The following FAR2 variants were observed in gnomAD, a reference collection of about 807,000 sequenced individuals.
FAR2 encodes the protein epididymis secretory protein Li 81.
A neutral mutation model predicts 56.0 loss-of-function variants in FAR2; 19 were observed. That is an observed-to-expected ratio of 0.34 (90% CI 0.24 to 0.50). The LOEUF (loss-of-function observed/expected upper bound fraction) is 0.50, where lower values mean the gene tolerates loss of function less well. FAR2 is among the 20% of genes least tolerant of loss of function. The pLI is 0.98. For missense variants in FAR2, 508 were observed against 642.2 expected, an observed-to-expected ratio of 0.79 and a Z score of 2.26; for synonymous variants, 219 against 218.8, an observed-to-expected ratio of 1.00 and a Z score of -0.01.
intron 1 of FAR2, among the ~76,000 whole-genome samples, chr12:29,232,896 A>G (rs1565481350): frequency 6.7e-6 from 1 of 148,746 alleles, no homozygotes; most frequent in African/African-American, 2.5e-5. Context: ...TGGCCACACT[A>G]TGGACCTTGT....
chr12:29,275,005 C>T (rs186867440), intron 2 of FAR2, among the ~76,000 whole-genome samples: 105 of 150,962 alleles, frequency 7.0e-4, no homozygotes, highest in Admixed American at 4.2e-3. Context: ...AGATCAATCC[C>T]GTCCTCCTGC....
At chr12:29,193,013 A>G (rs185689821) in intron 1 of FAR2, among the ~76,000 whole-genome samples, 5 of 152,328 alleles carry the variant, frequency 3.3e-5, no homozygotes, top group African/African-American at 1.2e-4. Flanking sequence ...ATTTTTAGCT[A>G]GCAACTTTTC....
chr12:29,195,776 A>G (rs1021574), intron 1 of FAR2, among the ~76,000 whole-genome samples: 148,977 of 152,230 alleles, frequency 0.98, 72,989 homozygotes, highest in Middle Eastern at 1. Context: ...ATTGCATAGC[A>G]GTGAGGTCTG....
chr12:29,211,632 A>G (rs947188646), intron 1 of FAR2, among the ~76,000 whole-genome samples: 3 of 152,100 alleles, frequency 2.0e-5, no homozygotes, highest in African/African-American at 4.8e-5. Flanking sequence ...CTGAGCTGCA[A>G]TGGTGACTTA....
In FAR2 at chr12:29,169,907, G is replaced by A. The variant is rs572119176; in HGVS notation, c.-39+20500G>A. 8.4e-4 allele frequency among the ~76,000 whole-genome samples: 128 copies of A among 152,302 alleles called. 1 individual carries two copies. The highest frequency in any genetic ancestry group is 2.9e-3 in the African/African-American group (119 of 41,570). ...TATGGCCCTGCACTCTTGGACTTGA[G>A]CTTTGAGGGGCACAGATAGGGTATG... On this transcript the variant is annotated intron_variant, in intron 1 of 11. Coordinates refer to ENST00000536681, the MANE Select transcript of FAR2 (RefSeq NM_001271783.2).
At chr12:29,222,995 G>C (rs1947712879) in intron 1 of FAR2, among the ~76,000 whole-genome samples, 1 of 152,096 alleles carries the variant, frequency 6.6e-6, no homozygotes, top group Non-Finnish European at 1.5e-5. Flanking sequence ...AAACTCAGAG[G>C]GTAATGAAAA....
At chr12:29,223,092 G>T (rs1947715958) in intron 1 of FAR2, among the ~76,000 whole-genome samples, 1 of 152,166 alleles carries the variant, frequency 6.6e-6, no homozygotes, top group Admixed American at 6.5e-5. Flanking sequence ...CCTCCCAACA[G>T]TCTATTGGGA....
At chr12:29,305,986 T>G (rs961876565) in intron 4 of FAR2, among the ~76,000 whole-genome samples, 17 of 148,602 alleles carry the variant, frequency 1.1e-4, no homozygotes, top group African/African-American at 4.2e-4. Flanking sequence ...TTTCCTAGGT[T>G]TTTTTTTTTT....
Position 29,324,657 on chromosome 12 carries a change from T to C in FAR2, c.1257+2733T>C, listed in dbSNP as rs1456565258. Among the ~76,000 whole-genome samples, 3 of 152,164 alleles carry C rather than the reference T, an allele frequency of 2.0e-5. No homozygotes were observed. In the East Asian group the frequency reaches 5.8e-4, roughly 30 times the overall value. ...TCATATCCAGCCAAACTAAGCTTCATAAGTGAAGGAGAAATAAAATACTTT... is the reference window on the plus strand; with the variant it reads ...TCATATCCAGCCAAACTAAGCTTCACAAGTGAAGGAGAAATAAAATACTTT... On this transcript the variant is annotated intron_variant, in intron 10 of 11. Transcript: ENST00000536681.
chr12:29,275,458 G>A (rs1019811360), intron 2 of FAR2, among the ~76,000 whole-genome samples: 52 of 152,150 alleles, frequency 3.4e-4, no homozygotes, highest in African/African-American at 1.1e-3. Flanking sequence ...TGGGGTCAGA[G>A]GCCTGACAGG....
chr12:29,309,043 T>C, intron 5 of FAR2, 143 bp from the exon 6 acceptor site: 2 of 677,388 alleles, frequency 3.0e-6, no homozygotes, highest in Non-Finnish European at 5.2e-6. Flanking sequence ...TCTTTTGAGA[T>C]CTTAATAATA....
At chr12:29,225,575 T>C (rs1947753134) in intron 1 of FAR2, among the ~76,000 whole-genome samples, 1 of 152,198 alleles carries the variant, frequency 6.6e-6, no homozygotes, top group Non-Finnish European at 1.5e-5. Context: ...TGCTCTGGAA[T>C]AAGCTCTGTA....
chr12:29,212,592 T>C (rs1470815696), intron 1 of FAR2, among the ~76,000 whole-genome samples: 1 of 152,234 alleles, frequency 6.6e-6, no homozygotes, highest in Non-Finnish European at 1.5e-5. Context: ...CTTTGAATTC[T>C]TGCCAGGTCC....
chr12:29,292,893 A>G (rs1375589780), intron 2 of FAR2, among the ~76,000 whole-genome samples: 1 of 152,216 alleles, frequency 6.6e-6, no homozygotes, highest in Non-Finnish European at 1.5e-5. Flanking sequence ...TGTCCTGGGC[A>G]CATTCTCAAC....
intron 6 of FAR2, 124 bp from the exon 7 acceptor site, chr12:29,310,904 G>A: frequency 1.4e-6 from 1 of 726,026 alleles, no homozygotes; most frequent in Non-Finnish European, 2.4e-6. Context: ...AACCTGGTAA[G>A]CAGTGGATCA....
chr12:29,156,607 A>G (rs1186792526), intron 1 of FAR2: 8 of 152,216 alleles, frequency 5.3e-5, no homozygotes, highest in Non-Finnish European at 8.8e-5. Context: ...TCCTATGAGT[A>G]GTCGCCTCTG....
intron 5 of FAR2, among the ~76,000 whole-genome samples, chr12:29,308,243 C>T (rs959010150): frequency 1.3e-5 from 2 of 152,134 alleles, no homozygotes; most frequent in Non-Finnish European, 2.9e-5. Flanking sequence ...TTTAGGAATA[C>T]TAATTTTTTT....
At chr12:29,164,472 T>C (rs767031319) in intron 1 of FAR2, among the ~76,000 whole-genome samples, 2 of 152,172 alleles carry the variant, frequency 1.3e-5, no homozygotes, top group Non-Finnish European at 2.9e-5. Flanking sequence ...CTAGCCCAAC[T>C]CTTGGTACCA....
intron 7 of FAR2, among the ~76,000 whole-genome samples, 188 bp from the exon 8 acceptor site, chr12:29,311,689 CACACAT>C (rs1009635023): frequency 6.6e-5 from 10 of 151,742 alleles, no homozygotes; most frequent in African/African-American, 9.7e-5. Flanking sequence ...CACACACACA[CACACAT>C]GCTTTTCCTA....
Sources: allele counts gnomAD v4.1 joint callset (sites outside exome capture counted in the v4.1 genomes callset), GRCh38; gene constraint gnomAD v4.1.1; transcripts MANE v1.5; gene names NCBI Gene and HGNC (gene_info 2026-07-23, HGNC 2026-07-21).